Variants in LTBP3 observed in about 807,000 individuals in gnomAD.
LTBP3 encodes the protein latent-transforming growth factor beta-binding protein 3.
A neutral mutation model predicts 159.7 loss-of-function variants in LTBP3; 97 were observed. The ratio of observed to expected loss-of-function variants is 0.61; its 90% CI spans 0.52 to 0.72. LTBP3 has a LOEUF of 0.72. Among genes scored for constraint, LTBP3 ranks in the 30% least tolerant of loss-of-function variants. LTBP3 has a pLI of 0.00. For synonymous variants in LTBP3, 824 were observed against 777.1 expected (o/e 1.06, Z -1.00); for missense variants, 1,584 against 1,864.3 (o/e 0.85, Z 2.77).
At chr11:65,540,703 C>CAGGCGGGGCCTACAGGAG (rs1856079641) in intron 21 of LTBP3, 89 bp from the exon 22 acceptor site, 2 of 1,244,220 alleles carry the variant, frequency 1.6e-6, no homozygotes, top group Non-Finnish European at 1.1e-6. Context: ...AAGCCATCCC[C>CAGGCGGGGCCTACAGGAG]GGGCGGGGCC....
rs2135169801 is a variant in LTBP3, at chr11:65,558,294, T to A, written c.-335A>T. ...GGCCGGCCCGCTCCGCGCCTCCCCC[T>A]GGCCGGGCTCCTCTCCCGCGGCCGC... is the stretch of plus-strand genomic sequence containing the variant. On this transcript the variant is annotated 5_prime_UTR_variant, in exon 1 of 28. Transcript: ENST00000301873. The A allele has an allele frequency of 2.6e-6, 2 of 781,102 alleles. No homozygotes were observed. Among genetic ancestry groups the A allele is most frequent in the African/African-American group, 1.9e-5 (1 of 53,010 alleles). The allele number at this position is 781,102 out of a possible 1,614,324, so 48.4% of individuals were successfully genotyped here.
In LTBP3 at chr11:65,538,780, G is replaced by C. The variant is rs74528698; in HGVS notation, c.*300C>G. 4.8e-6 allele frequency: 4 copies of C among 829,082 alleles called. No individual in the cohort carries two copies. The East Asian group carries it at 1.1e-4, about 24-fold the overall frequency. 51.4% of individuals were successfully genotyped at this position (829,082 alleles called of 1,614,324 possible). A position where few individuals can be genotyped will look rare whatever the true frequency, so the allele number is the denominator to read the frequency against. On this transcript the variant is annotated 3_prime_UTR_variant, in exon 28 of 28. Transcript: ENST00000301873. ...GCCGCCCTGCGCAGCCCGCGCCCAC[G>C]TCAGACGTGAACATCAATTTGCTTC...
intron 1 of LTBP3, among the ~76,000 whole-genome samples, chr11:65,556,165 C>G (rs1416869176): frequency 1.3e-5 from 2 of 151,982 alleles, no homozygotes; most frequent in Non-Finnish European, 2.9e-5. Flanking sequence ...CGTACACTCA[C>G]ACCCACAGTC....
chr11:65,555,487 C>G (rs918563848), intron 1 of LTBP3, among the ~76,000 whole-genome samples: 9 of 152,280 alleles, frequency 5.9e-5, no homozygotes, highest in Non-Finnish European at 1.3e-4. Flanking sequence ...GGCTTTCCTC[C>G]TATCCGGCCC....
chr11:65,540,633 T>C lies in LTBP3; in HGVS notation c.2978-19A>G, dbSNP rs1856070367. 6.3e-7 allele frequency: 1 copy of C among 1,588,830 alleles called. No individual in the cohort carries two copies. Among genetic ancestry groups the C allele is most frequent in the Non-Finnish European group, 8.6e-7 (1 of 1,166,062 alleles). On this transcript the variant is annotated intron_variant, in intron 21 of 27. Coordinates refer to ENST00000301873, the MANE Select transcript of LTBP3 (RefSeq NM_001130144.3). The stretch of plus-strand genomic sequence containing the variant: ...TCGATGTCTGCGGGGTGACAAACAC[T>C]GGCCGCTCCGGTCCCGCAGCTGCAG...
rs1182650540 is a variant in LTBP3 at position 65,546,302 on chromosome 11, C to G, written c.2353+140G>C. 1 of 1,131,408 alleles carries G rather than the reference C, an allele frequency of 8.8e-7. No individual in the cohort carries two copies. Among genetic ancestry groups the G allele is most frequent in the Admixed American group, 3.1e-5 (1 of 31,896 alleles). The allele number at this position is 1,131,408 out of a possible 1,614,324, so 70.1% of individuals were successfully genotyped here. On this transcript the variant is annotated intron_variant, in intron 16 of 27. Transcript: ENST00000301873. This position sits in a 1 kb window ranked among gnomAD's most constrained non-coding sequence, Gnocchi z 4.0. The stretch of plus-strand genomic sequence containing the variant: ...TAGTGGTGCCTTCCTTGGCAAAGTT[C>G]GTTGAGAAAATGAGTGAGCAGAGTC...
chr11:65,552,777 C>G lies in LTBP3; in HGVS notation c.1186+83G>C, dbSNP rs1156361014. On this transcript the variant is annotated intron_variant, in intron 6 of 27. Coordinates refer to ENST00000301873, the MANE Select transcript of LTBP3 (RefSeq NM_001130144.3). This position sits in a 1 kb window ranked among gnomAD's most constrained non-coding sequence, Gnocchi z 6.0. ...GTTCCTCCTGCAGTCAACCCTTAAC[C>G]CCACTCTGATCTCTTGCGATCTCTG... is the stretch of plus-strand genomic sequence containing the variant. 3.2e-5 allele frequency: 52 copies of G among 1,601,000 alleles called. No individual in the cohort carries two copies. Among genetic ancestry groups the G allele is most frequent in the Non-Finnish European group, 4.4e-5 (51 of 1,169,224 alleles).
chr11:65,541,479 C>T, intron 19 of LTBP3, 121 bp downstream of exon 19: 1 of 1,543,742 alleles, frequency 6.5e-7, no homozygotes, highest in South Asian at 1.1e-5. Flanking sequence ...ACTCCCCCAG[C>T]CAAAAGAGAT....
rs768687853 is a variant in LTBP3 at position 65,554,120 on chromosome 11, C to T, written c.592G>A (p.Gly198Arg). The T allele has an allele frequency of 8.7e-6, 14 of 1,611,156 alleles. No individual in the cohort carries two copies. The highest frequency in any genetic ancestry group is 2.7e-5 in the African/African-American group (2 of 74,976). Residue 198 changes from glycine to arginine, a missense_variant, in exon 2 of 28, where the codon GGG (glycine) becomes AGG (arginine). This residue lies in a region of LTBP3 where 194 missense variants were observed against 198.7 expected (regional missense o/e 0.98). Coordinates refer to ENST00000301873, the MANE Select transcript of LTBP3 (RefSeq NM_001130144.3). The surrounding 1 kb of genome is among the most constrained non-coding windows in gnomAD (Gnocchi z 5.3). ...VQVIADPPGPGEGPPAQHAAF... is the reference protein window; with the variant it reads ...VQVIADPPGPREGPPAQHAAF... ...GCGTGCTGGGCAGGAGGCCCCTCCC[C>T]GGGCCCAGGAGGGTCAGCGATCACC...
intron 8 of LTBP3, 29 bp downstream of exon 8, chr11:65,551,943 G>T (rs756439408): frequency 6.2e-7 from 1 of 1,611,868 alleles, no homozygotes; most frequent in Non-Finnish European, 8.5e-7. Flanking sequence ...CTTGGCATGG[G>T]TCAGGGATCA....
intron 19 of LTBP3, 88 bp from the exon 20 acceptor site, chr11:65,541,381 C>T: frequency 8.5e-6 from 13 of 1,522,654 alleles, no homozygotes; most frequent in African/African-American, 1.4e-5. Flanking sequence ...TTTCCCCCCA[C>T]ATTCCCTGGC....
chr11:65,539,162 C>T lies in LTBP3; in HGVS notation c.3830G>A (p.Ser1277Asn). ...TTTGCAGACGCAGCGGAAGGAGCCG[C>T]TGGTGTTCACGCAGCGCTCGCTCTT... The part of the protein sequence containing the change: ...LCKSERCVNT[S>N]GSFRCVCKAG... Residue 1277 changes from serine (S) to asparagine (N), a missense_variant, in exon 28 of 28, where the codon AGC becomes AAC. Ser to Asn is a conservative substitution (Grantham distance 46). Transcript: ENST00000301873. The T allele has an allele frequency of 6.6e-7, 1 of 1,504,582 alleles. No individual in the cohort carries two copies. Among genetic ancestry groups the T allele is most frequent in the Non-Finnish European group, 8.9e-7 (1 of 1,122,192 alleles). 93.2% of individuals were successfully genotyped at this position (1,504,582 alleles called of 1,614,324 possible). A position where few individuals can be genotyped will look rare whatever the true frequency, so the allele number is the denominator to read the frequency against.
chr11:65,540,171 G>C lies in LTBP3; in HGVS notation c.3245-18C>G. 6.5e-7 allele frequency: 1 copy of C among 1,537,152 alleles called. No homozygotes were observed. The highest frequency in any genetic ancestry group is 8.7e-7 in the Non-Finnish European group (1 of 1,143,772). On this transcript the variant is annotated intron_variant, in intron 23 of 27. Transcript: ENST00000301873. ...GTCCACGTCTACGAACAGCGAGGGG[G>C]TGGGTGGGGGCCGTCACAGCTCGGC...
chr11:65,553,371 G>A lies in LTBP3; in HGVS notation c.970+54C>T. On this transcript the variant is annotated intron_variant, in intron 4 of 27. Transcript: ENST00000301873. This position sits in a 1 kb window ranked among gnomAD's most constrained non-coding sequence, Gnocchi z 6.5. ...GACTCCCACTGCAGGGATGGGTGGG[G>A]TGGGTGGGGAGGGGCCACCAGATAG... The A allele has an allele frequency of 7.1e-7, 1 of 1,413,522 alleles. No homozygotes were observed. Among genetic ancestry groups the A allele is most frequent in the Non-Finnish European group, 9.9e-7 (1 of 1,008,320 alleles). The allele number at this position is 1,413,522 out of a possible 1,614,324, so 87.6% of individuals were successfully genotyped here. A position where few individuals can be genotyped will look rare whatever the true frequency, so the allele number is the denominator to read the frequency against.
Position 65,539,212 on chromosome 11 carries a change from C to G in LTBP3, c.3780G>C (p.Glu1260Asp). ...TGCACAGCAGCCCGCGCTGGTTCAG[C>G]TCTCGGCACTCGTCGATATCTGAAG... ...ARCVDIDECR[E>D]LNQRGLLCKS... The change falls in exon 28 of 28, where the codon GAG (glutamate) becomes GAC (aspartate). Residue 1260 changes from glutamate (E) to aspartate (D), a missense_variant. Around this residue, in one of 6 missense-constraint regions of LTBP3, gnomAD observed 514 missense variants for 530.3 expected, o/e 0.97. Coordinates refer to ENST00000301873, the MANE Select transcript of LTBP3 (RefSeq NM_001130144.3). 1 of 1,526,726 alleles carries G rather than the reference C, an allele frequency of 6.5e-7. No homozygotes were observed. The highest frequency in any genetic ancestry group is 8.8e-7 in the Non-Finnish European group (1 of 1,133,174). 94.6% of individuals were successfully genotyped at this position (1,526,726 alleles called of 1,614,324 possible).
chr11:65,539,486 T>TC, intron 26 of LTBP3, 27 bp from the exon 27 acceptor site: 1 of 1,586,984 alleles, frequency 6.3e-7, no homozygotes, highest in Non-Finnish European at 8.6e-7. Context: ...AATATGGACT[T>TC]CAACACTGAG....
In LTBP3 at chr11:65,551,153, C is replaced by G. The variant is rs920944964; in HGVS notation, c.1693G>C (p.Val565Leu). The G allele has an allele frequency of 1.9e-6, 3 of 1,553,644 alleles. No homozygotes were observed. Among genetic ancestry groups the G allele is most frequent in the Non-Finnish European group, 2.6e-6 (3 of 1,148,880 alleles). Residue 565 changes from valine (V) to leucine (L), a missense_variant, in exon 11 of 28, where the codon GTA (valine) becomes CTA (leucine). By Grantham distance (32) the Val-to-Leu change is conservative (BLOSUM62 1). Coordinates refer to ENST00000301873, the MANE Select transcript of LTBP3 (RefSeq NM_001130144.3). ...GTGACCTGAGTGGGAGCGATCTCTA[C>G]GGCGCTGCGGGAAGGAGGCAAGTCC... ...LPDLPPSRSA[V>L]EIAPTQVTET... is the part of the protein sequence containing the mutation.
Position 65,539,029 on chromosome 11 carries a change from G to A in LTBP3, c.*51C>T, listed in dbSNP as rs1456077326. On this transcript the variant is annotated 3_prime_UTR_variant, in exon 28 of 28. Coordinates refer to ENST00000301873, the MANE Select transcript of LTBP3 (RefSeq NM_001130144.3). ...GGGCAGAAGTGAGGCCGAGCTCGCG[G>A]AAATCCCTCAGTGATCACCGAGGTC... 5.3e-6 allele frequency: 7 copies of A among 1,328,576 alleles called. No homozygotes were observed. Among genetic ancestry groups the A allele is most frequent in the Non-Finnish European group, 5.8e-6 (6 of 1,040,794 alleles). The allele number at this position is 1,328,576 out of a possible 1,614,324, so 82.3% of individuals were successfully genotyped here.
chr11:65,546,894 A>T lies in LTBP3; in HGVS notation c.2134T>A (p.Ser712Thr). 1 of 1,612,598 alleles carries T rather than the reference A, an allele frequency of 6.2e-7. No homozygotes were observed. Among genetic ancestry groups the T allele is most frequent in the South Asian group, 1.1e-5 (1 of 91,088 alleles). ...EDIDECRDPSSCPDGKCENKP... is the reference protein window; with the variant it reads ...EDIDECRDPSTCPDGKCENKP... ...TTCTCGCATTTGCCATCCGGGCAAG[A>T]GCTTGGGTCCCGGCACTCGTCGATG... Residue 712 changes from serine (S) to threonine (T), a missense_variant, in exon 15 of 28, where the codon TCT (serine) becomes ACT (threonine). Ser to Thr is a moderately conservative substitution (Grantham distance 58, BLOSUM62 1). Around this residue, in one of 6 missense-constraint regions of LTBP3, gnomAD observed 565 missense variants for 677.7 expected, o/e 0.83. Coordinates refer to ENST00000301873, the MANE Select transcript of LTBP3 (RefSeq NM_001130144.3). This position sits in a 1 kb window ranked among gnomAD's most constrained non-coding sequence, Gnocchi z 4.0.
Sources: gnomAD v4.1 joint callset for allele counts (sites outside exome capture counted in the v4.1 genomes callset) on GRCh38, gnomAD v4.1.1 for gene constraint, gnomAD v4.1.1 regional missense constraint, Gnocchi (gnomAD v3.1) non-coding constraint, MANE v1.5 for transcripts, NCBI Gene and HGNC (gene_info 2026-07-23, HGNC 2026-07-21) for gene names.